Variants in NLGN4X observed in about 807,000 individuals in gnomAD.
NLGN4X encodes neuroligin 4 X-linked, also known as neuroligin-4, X-linked.
Under a neutral mutation model 40.3 loss-of-function variants are expected in NLGN4X, and 3 were observed. The observed-to-expected ratio is 0.07, with a 90% CI of 0.03 to 0.19. The LOEUF (loss-of-function observed/expected upper bound fraction) is 0.19. NLGN4X is among the 10% of genes least tolerant of loss of function. NLGN4X has a pLI of 1.00. For synonymous variants in NLGN4X, 270 were observed against 306.8 expected, an observed-to-expected ratio of 0.88 and a Z score of 1.25; for missense variants, 382 against 708.3, an observed-to-expected ratio of 0.54 and a Z score of 5.23.
At chrX:6,123,688 T>C (rs753926066) in intron 2 of NLGN4X, among the ~76,000 whole-genome samples, 19 of 105,401 alleles carry the variant, frequency 1.8e-4, no homozygotes, top group African/African-American at 6.5e-4. Context: ...AGATACATCT[T>C]CATTAAAATA....
At chrX:6,092,931 A>G (rs934709422) in intron 2 of NLGN4X, among the ~76,000 whole-genome samples, 1 of 111,574 alleles carries the variant, frequency 9.0e-6, no homozygotes, top group Non-Finnish European at 1.9e-5. Context: ...TATCAAATCA[A>G]AATTTGAGAA....
chrX:6,185,291 A>G (rs1214877473), intron 1 of NLGN4X, among the ~76,000 whole-genome samples: 1 of 111,982 alleles, frequency 8.9e-6, no homozygotes, highest in East Asian at 2.8e-4. Context: ...CCATCACCCC[A>G]TGTCACACTT....
At chrX:6,050,776 C>CTATCTATCTATCT (rs369028719) in intron 2 of NLGN4X, among the ~76,000 whole-genome samples, 1 of 103,355 alleles carries the variant, frequency 9.7e-6, no homozygotes, top group Non-Finnish European at 2.0e-5. Context: ...TCTGTCTGTC[C>CTATCTATCTATCT]ATCTATCTAT....
chrX:5,922,123 C>T (rs1293580514), intron 3 of NLGN4X, among the ~76,000 whole-genome samples: 1 of 111,495 alleles, frequency 9.0e-6, no homozygotes, highest in Non-Finnish European at 1.9e-5. Flanking sequence ...TTTTCTCTCT[C>T]TTTTTGCTTT....
At chrX:5,947,472 T>C (rs1043808772) in intron 3 of NLGN4X, among the ~76,000 whole-genome samples, 3 of 111,894 alleles carry the variant, frequency 2.7e-5, no homozygotes, top group Non-Finnish European at 5.6e-5. Context: ...GAGTCAGGTA[T>C]TTTGTTTAGA....
chrX:6,008,881 A>T (rs1057182376), intron 3 of NLGN4X, among the ~76,000 whole-genome samples: 8 of 111,714 alleles, frequency 7.2e-5, no homozygotes, highest in Admixed American at 2.9e-4. Flanking sequence ...ACACCATTCA[A>T]CTTTTTGCCT....
intron 3 of NLGN4X, among the ~76,000 whole-genome samples, chrX:5,995,419 C>T (rs760186139): frequency 8.9e-5 from 10 of 112,511 alleles, no homozygotes; most frequent in Non-Finnish European, 1.5e-4. Flanking sequence ...AAGCCAGCAA[C>T]GAAGCCATAT....
intron 2 of NLGN4X, among the ~76,000 whole-genome samples, chrX:6,121,115 T>C (rs2147577109): frequency 9.9e-6 from 1 of 101,221 alleles, no homozygotes; most frequent in East Asian, 3.1e-4. Context: ...AAAAAATATC[T>C]AATTTAAATT....
chrX:6,090,044 A>G lies in NLGN4X; in HGVS notation c.473-60612T>C, dbSNP rs947038227. On this transcript the variant is annotated intron_variant, in intron 2 of 5. Transcript: ENST00000381095. The stretch of plus-strand genomic sequence containing the variant: ...CAGGAGAGCTCTGAGAACAATCCCA[A>G]CAAGAGTCAATCACGTAAACACATG... Among the ~76,000 whole-genome samples the G allele has an allele frequency of 9.9e-5, 11 of 111,502 alleles. No individual in the cohort carries two copies. The South Asian group carries it at 4.1e-3, about 42-fold the overall frequency.
chrX:5,950,705 A>T (rs1465789674), intron 3 of NLGN4X, among the ~76,000 whole-genome samples: 1 of 112,445 alleles, frequency 8.9e-6, no homozygotes, highest in African/African-American at 3.2e-5. Flanking sequence ...CTGATGTAGC[A>T]GTCATGGAAG....
intron 3 of NLGN4X, among the ~76,000 whole-genome samples, chrX:6,015,269 C>A (rs2036364420): frequency 9.0e-6 from 1 of 111,640 alleles, no homozygotes; most frequent in African/African-American, 3.3e-5. Flanking sequence ...TTGTCAATAT[C>A]TGTTTCTTGA....
intron 2 of NLGN4X, among the ~76,000 whole-genome samples, chrX:6,134,867 G>A (rs1359800669): frequency 8.9e-6 from 1 of 112,494 alleles, no homozygotes; most frequent in Non-Finnish European, 1.9e-5. Flanking sequence ...TTTGCTTTTT[G>A]AAGAATTCCT....
At chrX:5,949,327 G>A (rs1163966300) in intron 3 of NLGN4X, among the ~76,000 whole-genome samples, 1 of 111,838 alleles carries the variant, frequency 8.9e-6, no homozygotes, top group Non-Finnish European at 1.9e-5. Context: ...CTACATAGAG[G>A]GGAAGTTGCC....
At chrX:5,939,476 A>G (rs2146898597) in intron 3 of NLGN4X, among the ~76,000 whole-genome samples, 1 of 111,317 alleles carries the variant, frequency 9.0e-6, no homozygotes, top group African/African-American at 3.3e-5. Flanking sequence ...AGGACATGAC[A>G]TTTGAATTCC....
At chrX:5,905,556 T>C (rs189804972) in intron 4 of NLGN4X, among the ~76,000 whole-genome samples, 3 of 112,679 alleles carry the variant, frequency 2.7e-5, no homozygotes, top group Non-Finnish European at 5.6e-5. Context: ...AGCTTTTCAT[T>C]TCATTCTTTG....
At chrX:6,005,282 C>T (rs941413797) in intron 3 of NLGN4X, among the ~76,000 whole-genome samples, 2 of 111,719 alleles carry the variant, frequency 1.8e-5, no homozygotes, top group Non-Finnish European at 3.8e-5. Flanking sequence ...GGCATTCCTC[C>T]AAAAAATGGA....
intron 5 of NLGN4X, among the ~76,000 whole-genome samples, chrX:5,900,748 C>A (rs2031812582): frequency 9.3e-6 from 1 of 107,372 alleles, no homozygotes; most frequent in Admixed American, 1.0e-4. Flanking sequence ...TAAATTTTTT[C>A]ATTTGTTTTG....
chrX:5,987,073 A>G (rs2035549648), intron 3 of NLGN4X, among the ~76,000 whole-genome samples: 1 of 112,000 alleles, frequency 8.9e-6, no homozygotes, highest in South Asian at 3.7e-4. Flanking sequence ...AATAATAACC[A>G]TATCTATTAG....
At chrX:5,976,684 C>A (rs748303826) in intron 3 of NLGN4X, among the ~76,000 whole-genome samples, 2 of 112,415 alleles carry the variant, frequency 1.8e-5, no homozygotes, top group South Asian at 7.3e-4. Context: ...TCTCAACACA[C>A]TTTATTTTAT....
Sources: allele counts gnomAD v4.1 joint callset (sites outside exome capture counted in the v4.1 genomes callset), GRCh38; gene constraint gnomAD v4.1.1; transcripts MANE v1.5; gene names NCBI Gene and HGNC (gene_info 2026-07-23, HGNC 2026-07-21).